DTNA: variants seen among roughly 807,000 people sequenced by gnomAD.
DTNA encodes dystrobrevin alpha.
In DTNA, 43 loss-of-function variants were observed where a neutral mutation model predicts 100.7. That is an observed-to-expected ratio of 0.43 (90% CI 0.33 to 0.55). DTNA has a LOEUF of 0.55. DTNA is among the 20% of genes least tolerant of loss of function. The probability of loss-of-function intolerance (pLI) is 0.04; values close to 1 mark genes in which losing one functional copy is unlikely to be tolerated. For synonymous variants in DTNA, 349 were observed against 347.9 expected, an observed-to-expected ratio of 1.00 and a Z score of -0.04; for missense variants, 798 against 953.9, an observed-to-expected ratio of 0.84 and a Z score of 2.15.
intron 1 of DTNA, among the ~76,000 whole-genome samples, chr18:34,671,602 G>A (rs187303350): frequency 5.7e-4 from 87 of 152,274 alleles, no homozygotes; most frequent in Non-Finnish European, 9.9e-4. Context: ...TCAGAAGTAC[G>A]GTACTCTGCA....
chr18:34,746,740 G>T (rs936026731), intron 1 of DTNA, among the ~76,000 whole-genome samples: 1 of 152,090 alleles, frequency 6.6e-6, no homozygotes, highest in African/African-American at 2.4e-5. Context: ...GCATAACAGA[G>T]TCTGAATTTG....
chr18:34,670,492 G>C (rs2076591422), intron 1 of DTNA, among the ~76,000 whole-genome samples: 1 of 152,124 alleles, frequency 6.6e-6, no homozygotes, highest in African/African-American at 2.4e-5. Flanking sequence ...GAGGAGGAGA[G>C]GTTCTCTGAT....
At chr18:34,578,787 G>A (rs1163325772) in intron 1 of DTNA, among the ~76,000 whole-genome samples, 2 of 151,948 alleles carry the variant, frequency 1.3e-5, no homozygotes, top group Non-Finnish European at 2.9e-5. Context: ...AAGTATTTGG[G>A]TTTATTTCTG....
At chr18:34,504,404 A>G (rs1477603458) in intron 1 of DTNA, among the ~76,000 whole-genome samples, 1 of 152,136 alleles carries the variant, frequency 6.6e-6, no homozygotes, top group East Asian at 1.9e-4. Context: ...GGTCTGTTGC[A>G]TTTATTCATA....
chr18:34,646,152 A>C (rs2143466760), intron 1 of DTNA, among the ~76,000 whole-genome samples: 2 of 152,318 alleles, frequency 1.3e-5, no homozygotes, highest in East Asian at 3.9e-4. Context: ...TCATCTTGAC[A>C]GTTACTTCAG....
Position 34,549,509 on chromosome 18 carries a change from C to G in DTNA, c.-2+55995C>G, listed in dbSNP as rs370627968. Among the ~76,000 whole-genome samples, 7 of 152,210 alleles carry G rather than the reference C, an allele frequency of 4.6e-5. No individual in the cohort carries two copies. In the East Asian group the frequency reaches 9.7e-4, roughly 21 times the overall value. ...AGTTCCTGGACTGCATCCTAACTCTCTCACTTTTCTGACTCTCCTTTTAAT... is the reference window on the plus strand; with the variant it reads ...AGTTCCTGGACTGCATCCTAACTCTGTCACTTTTCTGACTCTCCTTTTAAT... On this transcript the variant is annotated intron_variant, in intron 1 of 19. Transcript: ENST00000283365.
At chr18:34,884,678 C>T (rs1267422425) in intron 21 of DTNA, 50 bp from the exon 22 acceptor site, 1 of 1,606,570 alleles carries the variant, frequency 6.2e-7, no homozygotes, top group Non-Finnish European at 8.5e-7. Context: ...TTGACTGCAT[C>T]ACAGACTTGA....
chr18:34,818,688 G>A, intron 8 of DTNA: 1 of 1,085,140 alleles, frequency 9.2e-7, no homozygotes, highest in Non-Finnish European at 1.1e-6. Context: ...TGTGGAAACG[G>A]CTTAAAAATT....
At chr18:34,876,604 AT>A (rs765755921) in intron 18 of DTNA, among the ~76,000 whole-genome samples, 11 of 152,220 alleles carry the variant, frequency 7.2e-5, no homozygotes, top group Non-Finnish European at 1.5e-4. Flanking sequence ...GATTAAAAAA[AT>A]GTTTTGAAAC....
At chr18:34,560,986 G>T (rs1282636294) in intron 1 of DTNA, among the ~76,000 whole-genome samples, 1 of 152,100 alleles carries the variant, frequency 6.6e-6, no homozygotes, top group East Asian at 1.9e-4. Flanking sequence ...TGAATCAAAA[G>T]AATCTGAAAT....
intron 1 of DTNA, among the ~76,000 whole-genome samples, chr18:34,705,042 A>T (rs1283853632): frequency 6.6e-6 from 1 of 152,028 alleles, no homozygotes; most frequent in Non-Finnish European, 1.5e-5. Context: ...AAGCACATGG[A>T]TTTTCTTCTA....
chr18:34,693,293 A>T (rs1403875343), intron 1 of DTNA, among the ~76,000 whole-genome samples: 1 of 152,214 alleles, frequency 6.6e-6, no homozygotes, highest in Non-Finnish European at 1.5e-5. Flanking sequence ...TATTTGCCAT[A>T]GATTATATCA....
chr18:34,618,583 G>T (rs553722429), intron 1 of DTNA, among the ~76,000 whole-genome samples: 2 of 151,984 alleles, frequency 1.3e-5, no homozygotes, highest in Non-Finnish European at 2.9e-5. Flanking sequence ...CATTTTTGGG[G>T]GATTATGCCA....
chr18:34,686,972 G>A (rs1445709421), intron 1 of DTNA, among the ~76,000 whole-genome samples: 1 of 152,142 alleles, frequency 6.6e-6, no homozygotes, highest in Non-Finnish European at 1.5e-5. Context: ...TTGCATTTCT[G>A]TGGGATCAGT....
intron 1 of DTNA, among the ~76,000 whole-genome samples, chr18:34,668,160 G>A (rs949161586): frequency 1.3e-5 from 2 of 152,180 alleles, no homozygotes; most frequent in African/African-American, 4.8e-5. Flanking sequence ...TTGGGAGGGT[G>A]TATGTGTTGA....
intron 11 of DTNA, among the ~76,000 whole-genome samples, chr18:34,834,857 T>C (rs1031942644): frequency 6.6e-6 from 1 of 152,034 alleles, no homozygotes; most frequent in African/African-American, 2.4e-5. Context: ...TTTGGAGGGG[T>C]CAAATATTCA....
At chr18:34,501,857 C>T (rs2039962764) in intron 1 of DTNA, among the ~76,000 whole-genome samples, 1 of 152,240 alleles carries the variant, frequency 6.6e-6, no homozygotes, top group East Asian at 1.9e-4. Flanking sequence ...CTCAAGCATC[C>T]CTGGTGTCTC....
At chr18:34,666,937 A>T (rs2076017385) in intron 1 of DTNA, among the ~76,000 whole-genome samples, 1 of 152,144 alleles carries the variant, frequency 6.6e-6, no homozygotes, top group African/African-American at 2.4e-5. Flanking sequence ...ACTTTAAAGT[A>T]GTTTTTTTCC....
At chr18:34,821,247 T>C (rs569248298) in intron 9 of DTNA, 1 of 461,634 alleles carries the variant, frequency 2.2e-6, no homozygotes, top group East Asian at 5.9e-5. Context: ...TGATTTACAG[T>C]ATATTATTCC....
Sources: gnomAD v4.1 joint callset for allele counts (sites outside exome capture counted in the v4.1 genomes callset) on GRCh38, gnomAD v4.1.1 for gene constraint, MANE v1.5 for transcripts, NCBI Gene and HGNC (gene_info 2026-07-23, HGNC 2026-07-21) for gene names.